CHRM3: variants seen among roughly 807,000 people sequenced by gnomAD.
CHRM3 encodes cholinergic receptor muscarinic 3.
Under a neutral mutation model 41.8 loss-of-function variants are expected in CHRM3, and 11 were observed. The observed-to-expected ratio is 0.26, with a 90% CI of 0.17 to 0.44. The LOEUF (loss-of-function observed/expected upper bound fraction) is 0.44, where lower values mean the gene tolerates loss of function less well. CHRM3 is among the 20% of genes least tolerant of loss of function. The probability of loss-of-function intolerance (pLI) is 1.00; values close to 1 mark genes in which losing one functional copy is unlikely to be tolerated. For synonymous variants in CHRM3, 297 were observed against 301.4 expected (o/e 0.99, Z 0.15); for missense variants, 571 against 745.4 (o/e 0.77, Z 2.72).
intron 2 of CHRM3, among the ~76,000 whole-genome samples, chr1:239,523,661 A>G (rs1294118277): frequency 1.3e-5 from 2 of 152,184 alleles, no homozygotes; most frequent in Admixed American, 6.5e-5. Context: ...TCACAACAGA[A>G]CCAGGAACAA....
chr1:239,695,957 C>T (rs1046736634), intron 5 of CHRM3, among the ~76,000 whole-genome samples: 7 of 152,246 alleles, frequency 4.6e-5, no homozygotes, highest in South Asian at 2.1e-4. Context: ...TACCTGTATA[C>T]GCATTGTTAT....
chr1:239,505,419 T>C (rs1351719470), intron 2 of CHRM3, among the ~76,000 whole-genome samples: 1 of 152,102 alleles, frequency 6.6e-6, no homozygotes, highest in Non-Finnish European at 1.5e-5. Context: ...TCCCATGCTG[T>C]TCTTGTGATA....
chr1:239,456,522 C>T (rs1015153263), intron 1 of CHRM3, among the ~76,000 whole-genome samples: 24 of 152,272 alleles, frequency 1.6e-4, no homozygotes, highest in African/African-American at 5.8e-4. Flanking sequence ...TGTACATCCA[C>T]TCTACGATGT....
chr1:239,413,689 T>C (rs1458392777), intron 1 of CHRM3, among the ~76,000 whole-genome samples: 1 of 152,210 alleles, frequency 6.6e-6, no homozygotes, highest in African/African-American at 2.4e-5. Flanking sequence ...AACGAAGAAC[T>C]CACTTATCTG....
intron 1 of CHRM3, among the ~76,000 whole-genome samples, chr1:239,415,407 T>C (rs1661418221): frequency 6.6e-6 from 1 of 152,028 alleles, no homozygotes; most frequent in Non-Finnish European, 1.5e-5. Flanking sequence ...GCCACTGTGC[T>C]CCAGCCTGGC....
chr1:239,547,798 G>A (rs1414382162), intron 3 of CHRM3, among the ~76,000 whole-genome samples: 1 of 152,070 alleles, frequency 6.6e-6, no homozygotes, highest in African/African-American at 2.4e-5. Flanking sequence ...GATTTATTTT[G>A]TTAGATTCAG....
chr1:239,754,902 A>G (rs77086966), intron 5 of CHRM3, among the ~76,000 whole-genome samples: 5,477 of 152,082 alleles, frequency 0.036, 149 homozygotes, highest in Admixed American at 0.062. Flanking sequence ...TTATTGTGGG[A>G]AAAAAAATGA....
chr1:239,564,650 G>A (rs1039800035), intron 3 of CHRM3, among the ~76,000 whole-genome samples: 2 of 151,934 alleles, frequency 1.3e-5, no homozygotes, highest in African/African-American at 4.8e-5. Flanking sequence ...ACCAACTATA[G>A]TTTTTAGGTA....
At chr1:239,814,897 A>G (rs927882405) in intron 5 of CHRM3, among the ~76,000 whole-genome samples, 2 of 151,952 alleles carry the variant, frequency 1.3e-5, no homozygotes, top group Non-Finnish European at 2.9e-5. Context: ...TCTCCTGCCC[A>G]GACACGTAGC....
At chr1:239,530,558 C>T (rs1423097613) in intron 2 of CHRM3, among the ~76,000 whole-genome samples, 2 of 152,062 alleles carry the variant, frequency 1.3e-5, no homozygotes, top group South Asian at 2.1e-4. Flanking sequence ...GGTATACAAA[C>T]GTCAGTGGAT....
Position 239,414,199 on chromosome 1 carries a change from A to G in CHRM3, c.-521+26972A>G, listed in dbSNP as rs562653613. On this transcript the variant is annotated intron_variant, in intron 1 of 6. Transcript: ENST00000676153. ...TGTAAGTGTTCTGCTTTTTTGTTTC[A>G]TCTGCTCCTTTGCTATCTTTCTATT... 2.0e-5 allele frequency among the ~76,000 whole-genome samples: 3 copies of G among 152,226 alleles called. No homozygotes were observed. In the East Asian group the frequency reaches 5.8e-4, roughly 29 times the overall value.
intron 4 of CHRM3, among the ~76,000 whole-genome samples, chr1:239,673,184 A>G (rs16838650): frequency 0.023 from 3,481 of 152,224 alleles, 145 homozygotes; most frequent in African/African-American, 0.08. Flanking sequence ...GAGTGGGAGA[A>G]TTCTGCAGCT....
chr1:239,628,856 C>T (rs1195533834), intron 3 of CHRM3, among the ~76,000 whole-genome samples: 4 of 70,236 alleles, frequency 5.7e-5, no homozygotes, highest in South Asian at 5.6e-4. Context: ...GCAGTCTGCC[C>T]GTTCTCAGAT....
At chr1:239,490,822 C>G (rs1667505983) in intron 1 of CHRM3, among the ~76,000 whole-genome samples, 1 of 152,176 alleles carries the variant, frequency 6.6e-6, no homozygotes, top group African/African-American at 2.4e-5. Context: ...TCACAGCTCA[C>G]TGCAGCCTCA....
At chr1:239,769,243 C>A (rs755279365) in intron 5 of CHRM3, among the ~76,000 whole-genome samples, 1 of 152,146 alleles carries the variant, frequency 6.6e-6, no homozygotes, top group Non-Finnish European at 1.5e-5. Context: ...GACTGCTGTG[C>A]CCGCCACCGG....
At chr1:239,670,782 C>T (rs1674296741) in intron 4 of CHRM3, among the ~76,000 whole-genome samples, 1 of 151,360 alleles carries the variant, frequency 6.6e-6, no homozygotes, top group African/African-American at 2.4e-5. Context: ...CCCCCCCCAC[C>T]TCAGTTTCCC....
rs758047775 is a variant in CHRM3, at chr1:239,907,328, G to A, written c.-19-105G>A. The A allele has an allele frequency of 7.7e-6, 6 of 780,842 alleles. No homozygotes were observed. Among genetic ancestry groups the A allele is most frequent in the Non-Finnish European group, 1.0e-5 (5 of 489,954 alleles). The allele number at this position is 780,842 out of a possible 1,614,324, so 48.4% of individuals were successfully genotyped here. ...TGATGTTTGGCTTCATAGAGATTCA[G>A]CACCCTGTAATAGGCCTTCCATGTC... On this transcript the variant is annotated intron_variant, in intron 6 of 6. Transcript: ENST00000676153. This position sits in a 1 kb window ranked among gnomAD's most constrained non-coding sequence, Gnocchi z 5.4.
chr1:239,634,700 G>T (rs1670273072), intron 4 of CHRM3, among the ~76,000 whole-genome samples: 1 of 151,984 alleles, frequency 6.6e-6, no homozygotes, highest in Non-Finnish European at 1.5e-5. Flanking sequence ...AAAAATACAG[G>T]TTAAAAACTA....
chr1:239,862,737 T>C (rs1675741705), intron 6 of CHRM3, among the ~76,000 whole-genome samples: 1 of 152,208 alleles, frequency 6.6e-6, no homozygotes, highest in Non-Finnish European at 1.5e-5. Flanking sequence ...AACAAGGAGA[T>C]CATAGGCTCT....
Sources: gnomAD v4.1 joint callset for allele counts (sites outside exome capture counted in the v4.1 genomes callset) on GRCh38, gnomAD v4.1.1 for gene constraint, Gnocchi (gnomAD v3.1) non-coding constraint, MANE v1.5 for transcripts, NCBI Gene and HGNC (gene_info 2026-07-23, HGNC 2026-07-21) for gene names.